The following TRAPPC12 variants were observed in gnomAD, a reference collection of about 807,000 sequenced individuals.
TRAPPC12 encodes the protein trafficking protein particle complex subunit 12.
A neutral mutation model predicts 69.2 loss-of-function variants in TRAPPC12; 61 were observed. That is an observed-to-expected ratio of 0.88 (90% CI 0.72 to 1.09). The LOEUF (loss-of-function observed/expected upper bound fraction) is 1.09. Among genes scored for constraint, TRAPPC12 ranks in the 50% least tolerant of loss-of-function variants. The pLI is 0.00. For synonymous variants in TRAPPC12, 469 were observed against 438.9 expected, an observed-to-expected ratio of 1.07 and a Z score of -0.86; for missense variants, 1,101 against 1,016.4, an observed-to-expected ratio of 1.08 and a Z score of -1.13.
chr2:3,454,121 G>A (rs2103125089), intron 6 of TRAPPC12, among the ~76,000 whole-genome samples: 1 of 152,358 alleles, frequency 6.6e-6, no homozygotes, highest in South Asian at 2.1e-4. Flanking sequence ...TCGGGCTGAA[G>A]CACCTCAGTG....
chr2:3,453,112 C>T (rs1344822166), intron 6 of TRAPPC12, among the ~76,000 whole-genome samples: 2 of 152,208 alleles, frequency 1.3e-5, no homozygotes, highest in African/African-American at 4.8e-5. Flanking sequence ...GTGTGGAAAG[C>T]GTGAAGGGCC....
chr2:3,436,483 G>C (rs1663787998), intron 5 of TRAPPC12, among the ~76,000 whole-genome samples: 1 of 151,876 alleles, frequency 6.6e-6, no homozygotes, highest in South Asian at 2.1e-4. Context: ...CTTTTCTTCT[G>C]CACAGTTTTT....
intron 6 of TRAPPC12, among the ~76,000 whole-genome samples, chr2:3,445,448 G>GA (rs951538148): frequency 7.2e-5 from 11 of 152,230 alleles, no homozygotes; most frequent in African/African-American, 2.4e-4. Context: ...CACTAGCTAT[G>GA]AAGCAGCAGG....
intron 5 of TRAPPC12, among the ~76,000 whole-genome samples, chr2:3,439,886 C>CTT (rs765928762): frequency 5.9e-4 from 73 of 122,978 alleles, no homozygotes; most frequent in African/African-American, 7.8e-4. Flanking sequence ...TGTCTAGATT[C>CTT]ATTTTTTTTT....
rs1415405458 is a variant in TRAPPC12, at chr2:3,388,424, G to T, written c.801G>T (p.Gly267=). Residue 267 remains glycine, a synonymous_variant, in exon 2 of 12, where the codon GGG becomes GGT. Coordinates refer to ENST00000324266, the MANE Select transcript of TRAPPC12 (RefSeq NM_016030.6). The part of the protein sequence containing the change: ...EGRPEPVAMR[G]PQAAAPPASP... ...GCCCCGAACCCGTGGCCATGCGAGGGCCCCAGGCAGCTGCGCCCCCGGCGT... is the reference window on the plus strand; with the variant it reads ...GCCCCGAACCCGTGGCCATGCGAGGTCCCCAGGCAGCTGCGCCCCCGGCGT... The T allele has an allele frequency of 3.1e-6, 5 of 1,605,932 alleles. No homozygotes were observed. The highest frequency in any genetic ancestry group is 4.2e-6 in the Non-Finnish European group (5 of 1,176,672).
chr2:3,444,682 T>A (rs1230179048), intron 6 of TRAPPC12, among the ~76,000 whole-genome samples: 1 of 152,248 alleles, frequency 6.6e-6, no homozygotes, highest in East Asian at 1.9e-4. Context: ...GTCAGATTCC[T>A]CCTTTCACTT....
intron 5 of TRAPPC12, among the ~76,000 whole-genome samples, chr2:3,435,057 G>A (rs1663675436): frequency 6.6e-6 from 1 of 152,230 alleles, no homozygotes; most frequent in Non-Finnish European, 1.5e-5. Context: ...CCGTCGCCCA[G>A]GCTAGAGTGC....
At chr2:3,388,760 A>G in intron 2 of TRAPPC12, 90 bp downstream of exon 2, 21 of 1,287,340 alleles carry the variant, frequency 1.6e-5, no homozygotes, top group Non-Finnish European at 2.2e-5. Flanking sequence ...GGAGAAGGAG[A>G]AGGCCTTGTT....
chr2:3,403,970 T>G (rs571455796), intron 3 of TRAPPC12, among the ~76,000 whole-genome samples: 1 of 152,284 alleles, frequency 6.6e-6, no homozygotes, highest in East Asian at 1.9e-4. Context: ...GTAACAAAAT[T>G]TTTTCCTTAA....
At chr2:3,421,785 A>G in intron 3 of TRAPPC12, 96 bp from the exon 4 acceptor site, 1 of 1,127,814 alleles carries the variant, frequency 8.9e-7, no homozygotes, top group Non-Finnish European at 1.3e-6. Context: ...GCTTCCAGCA[A>G]GGTGAGCAGC....
chr2:3,457,288 TG>T, intron 6 of TRAPPC12: 1 of 240,502 alleles, frequency 4.2e-6, no homozygotes, highest in Non-Finnish European at 7.6e-6. Context: ...AGACTACCAG[TG>T]GGGGGAGGGT....
At chr2:3,479,141 G>T in intron 11 of TRAPPC12, 78 bp from the exon 12 acceptor site, 1 of 1,562,536 alleles carries the variant, frequency 6.4e-7, no homozygotes, top group Non-Finnish European at 8.7e-7. Flanking sequence ...CCCCTAACAC[G>T]GCCCAGCACG....
rs76610791 is a variant in TRAPPC12 at position 3,457,705 on chromosome 2, G to A, written c.1603+12G>A. The A allele has an allele frequency of 0.013, 20,296 of 1,608,334 alleles. 173 individuals carry two copies. The highest frequency in any genetic ancestry group is 0.015 in the Non-Finnish European group (17,300 of 1,179,862). On this transcript the variant is annotated intron_variant, in intron 7 of 11. Coordinates refer to ENST00000324266, the MANE Select transcript of TRAPPC12 (RefSeq NM_016030.6). ...GGAGGGCAGACAAGGTGGGTCGGCC[G>A]GACTTTGCTGACTAGATGCTTCTCG...
chr2:3,403,425 G>C (rs191634254), intron 3 of TRAPPC12, among the ~76,000 whole-genome samples: 18 of 152,056 alleles, frequency 1.2e-4, no homozygotes, highest in Admixed American at 7.2e-4. Flanking sequence ...GTAGAGACAG[G>C]GTTTCACCAT....
At chr2:3,434,711 A>G (rs916097005) in intron 5 of TRAPPC12, among the ~76,000 whole-genome samples, 2 of 152,348 alleles carry the variant, frequency 1.3e-5, no homozygotes, top group East Asian at 3.9e-4. Context: ...TCCAGCTGAC[A>G]GTCTCTGCAG....
At chr2:3,403,166 A>G (rs562677102) in intron 3 of TRAPPC12, among the ~76,000 whole-genome samples, 25 of 151,632 alleles carry the variant, frequency 1.6e-4, no homozygotes, top group Non-Finnish European at 1.9e-4. Flanking sequence ...TTTTTCTAAT[A>G]GTTCCCCATC....
At chr2:3,436,562 AT>A (rs1663797071) in intron 5 of TRAPPC12, among the ~76,000 whole-genome samples, 1 of 152,070 alleles carries the variant, frequency 6.6e-6, no homozygotes, top group Non-Finnish European at 1.5e-5. Flanking sequence ...TTTTATTATA[AT>A]TGATAAACCA....
intron 3 of TRAPPC12, among the ~76,000 whole-genome samples, chr2:3,404,864 G>T (rs1159837371): frequency 6.7e-6 from 1 of 150,018 alleles, no homozygotes; most frequent in African/African-American, 2.5e-5. Flanking sequence ...TCATACAAAA[G>T]GATAGAGTGG....
intron 8 of TRAPPC12, among the ~76,000 whole-genome samples, chr2:3,465,187 T>C (rs371355560): frequency 6.6e-6 from 1 of 152,238 alleles, no homozygotes. Context: ...CTTTAAAAAT[T>C]TGGCCTATGT....
Sources: allele counts gnomAD v4.1 joint callset (sites outside exome capture counted in the v4.1 genomes callset), GRCh38; gene constraint gnomAD v4.1.1; transcripts MANE v1.5; gene names NCBI Gene and HGNC (gene_info 2026-07-23, HGNC 2026-07-21).